PLEKHA2: variants seen among roughly 807,000 people sequenced by gnomAD.
The protein encoded by PLEKHA2 is pleckstrin homology domain-containing family A member 2.
In PLEKHA2, 28 loss-of-function variants were observed where a neutral mutation model predicts 53.2. The ratio of observed to expected loss-of-function variants is 0.53; its 90% CI spans 0.39 to 0.72. PLEKHA2 has a LOEUF of 0.72. PLEKHA2 is among the 30% of genes least tolerant of loss of function. The pLI is 0.00. For missense variants in PLEKHA2, 426 were observed against 537.9 expected (o/e 0.79, Z 2.06); for synonymous variants, 193 against 196.4 (o/e 0.98, Z 0.14).
intron 1 of PLEKHA2, among the ~76,000 whole-genome samples, chr8:38,909,675 C>G (rs560367589): frequency 2.0e-5 from 3 of 152,286 alleles, no homozygotes; most frequent in African/African-American, 7.2e-5. Flanking sequence ...CCCAGTGCCC[C>G]CCATTTCATT....
chr8:38,943,445 C>T (rs1043793760), intron 3 of PLEKHA2, among the ~76,000 whole-genome samples: 1 of 152,020 alleles, frequency 6.6e-6, no homozygotes, highest in African/African-American at 2.4e-5. Context: ...ATGATTGCAC[C>T]ACTGTACTCC....
chr8:38,911,713 G>A (rs934023324), intron 1 of PLEKHA2, among the ~76,000 whole-genome samples: 2 of 152,212 alleles, frequency 1.3e-5, no homozygotes, highest in Non-Finnish European at 2.9e-5. Context: ...GGTGGCTCAT[G>A]CCTATAATCC....
At chr8:38,931,824 A>G (rs181784979) in intron 2 of PLEKHA2, among the ~76,000 whole-genome samples, 1 of 152,320 alleles carries the variant, frequency 6.6e-6, no homozygotes, top group East Asian at 1.9e-4. Context: ...ACAGAGTCCA[A>G]GGCTAGATTT....
intron 1 of PLEKHA2, among the ~76,000 whole-genome samples, chr8:38,917,624 G>A (rs932116956): frequency 6.6e-6 from 1 of 152,130 alleles, no homozygotes; most frequent in African/African-American, 2.4e-5. Context: ...TTGAATGCAG[G>A]CCCCTGATCT....
intron 9 of PLEKHA2, 96 bp from the exon 10 acceptor site, chr8:38,957,227 C>CT (rs1834958284): frequency 1.0e-6 from 1 of 981,642 alleles, no homozygotes. Context: ...ACCCATCTTC[C>CT]TTTTTTATGG....
Position 38,969,719 on chromosome 8 carries a change from A to T in PLEKHA2, c.1214A>T (p.His405Leu), listed in dbSNP as rs775831905. The change falls in exon 12 of 12, where the codon CAC becomes CTC. Residue 405 changes from histidine (H) to leucine (L), a missense_variant. Coordinates refer to ENST00000617275, the MANE Select transcript of PLEKHA2 (RefSeq NM_021623.2). The part of the protein sequence containing the change: ...SRIRHRSEPQ[H>L]PKEKPFMFNL... ...ATAAGGCACAGATCGGAGCCCCAGC[A>T]CCCCAAGGAGAAGCCGTTTATGTTC... 3.5e-6 allele frequency: 5 copies of T among 1,429,560 alleles called. No individual in the cohort carries two copies. The highest frequency in any genetic ancestry group is 4.7e-6 in the Non-Finnish European group (5 of 1,071,676). The allele number at this position is 1,429,560 out of a possible 1,614,324, so 88.6% of individuals were successfully genotyped here.
chr8:38,937,467 AC>A (rs1276540062), intron 3 of PLEKHA2, among the ~76,000 whole-genome samples: 1 of 151,344 alleles, frequency 6.6e-6, no homozygotes, highest in African/African-American at 2.4e-5. Context: ...GAAAACTGAA[AC>A]CCTCTCCTGT....
At chr8:38,947,676 C>T (rs1834740483) in intron 5 of PLEKHA2, among the ~76,000 whole-genome samples, 1 of 152,198 alleles carries the variant, frequency 6.6e-6, no homozygotes, top group South Asian at 2.1e-4. Flanking sequence ...GCATGTTGAT[C>T]TGAAGCACTG....
rs562332293 is a variant in PLEKHA2 at position 38,952,923 on chromosome 8, ATCT to A, written c.702+227_702+229del. ...GTGGTCAGAGTCATAGCTACACAAC[ATCT>A]TCTTCTTATATTTTTTTGTCTTTTT... On this transcript the variant is annotated intron_variant, in intron 8 of 11. Transcript: ENST00000617275. 3.7e-3 allele frequency among the ~76,000 whole-genome samples: 568 copies of A among 152,216 alleles called. 10 individuals are homozygous for A. The highest frequency in any genetic ancestry group is 1.5e-3 in the Non-Finnish European group (99 of 68,014).
chr8:38,914,132 T>C (rs1833995786), intron 1 of PLEKHA2, among the ~76,000 whole-genome samples: 1 of 152,228 alleles, frequency 6.6e-6, no homozygotes, highest in African/African-American at 2.4e-5. Flanking sequence ...TTCACCTCTG[T>C]CCTGTTTCTC....
At position 38,971,461 on chromosome 8, in the gene PLEKHA2, G is replaced by C. The variant is rs1440058685; in HGVS notation, c.*1678G>C. The C allele has an allele frequency of 6.6e-6, 1 of 152,216 alleles. No homozygotes were observed. Among genetic ancestry groups the C allele is most frequent in the Non-Finnish European group, 1.5e-5 (1 of 68,046 alleles). The allele number at this position is 152,216 out of a possible 1,614,324, so 9.4% of individuals were successfully genotyped here. On this transcript the variant is annotated 3_prime_UTR_variant, in exon 12 of 12. Transcript: ENST00000617275. ...CAAATTCTTATAGCTCCTTAGCTCT[G>C]GTTTTACTCTCGTATTTTCCCCAAG...
Position 38,921,967 on chromosome 8 carries a change from TGC to T in PLEKHA2, c.141+3898_141+3899del, listed in dbSNP as rs1233880155. Among the ~76,000 whole-genome samples, 15 of 152,394 alleles carry T rather than the reference TGC, an allele frequency of 9.8e-5. No individual in the cohort carries two copies. The East Asian group carries it at 2.9e-3, about 29-fold the overall frequency. Reference sequence around the variant, plus strand: ...GTATTAGTGAGCATTTATTACTGTGTGCCAAGCACACTTCATTGGGTTTTTAT... The same window carrying T: ...GTATTAGTGAGCATTTATTACTGTGTCAAGCACACTTCATTGGGTTTTTAT... On this transcript the variant is annotated intron_variant, in intron 2 of 11. Transcript: ENST00000617275.
chr8:38,913,370 G>GAAAAAAAA (rs35218067), intron 1 of PLEKHA2, among the ~76,000 whole-genome samples: 12 of 134,260 alleles, frequency 8.9e-5, no homozygotes, highest in South Asian at 2.3e-4. Flanking sequence ...TCTCAAAAAG[G>GAAAAAAAA]AAAAAAAAAA....
At position 38,969,482 on chromosome 8, in the gene PLEKHA2, G is replaced by A; in HGVS notation, c.977G>A (p.Gly326Glu). 3.1e-6 allele frequency: 5 copies of A among 1,613,812 alleles called. No homozygotes were observed. Among genetic ancestry groups the A allele is most frequent in the Non-Finnish European group, 4.2e-6 (5 of 1,179,866 alleles). The part of the protein sequence containing the change: ...TRPGSSSLSS[G>E]PNSILCRGRP... ...CCTGGAAGCTCCAGCCTTTCAAGTG[G>A]GCCCAACTCTATCCTGTGCAGGGGG... Residue 326 changes from glycine to glutamate, a missense_variant, in exon 12 of 12, where the codon GGG becomes GAG. Coordinates refer to ENST00000617275, the MANE Select transcript of PLEKHA2 (RefSeq NM_021623.2).
chr8:38,944,143 A>G (rs923471102), intron 4 of PLEKHA2, among the ~76,000 whole-genome samples: 2 of 152,028 alleles, frequency 1.3e-5, no homozygotes, highest in African/African-American at 4.8e-5. Flanking sequence ...TACATAATGT[A>G]TAGAGTAATT....
At chr8:38,945,839 G>A (rs758590260) in intron 4 of PLEKHA2, among the ~76,000 whole-genome samples, 46 of 152,210 alleles carry the variant, frequency 3.0e-4, no homozygotes, top group Non-Finnish European at 5.4e-4. Context: ...CAGACCAGCA[G>A]CCTCATCACC....
At chr8:38,953,668 A>T (rs1374799822) in intron 9 of PLEKHA2, among the ~76,000 whole-genome samples, 1 of 152,206 alleles carries the variant, frequency 6.6e-6, no homozygotes, top group Non-Finnish European at 1.5e-5. Context: ...GAAGCTTCTC[A>T]GGTGTTAGGA....
In PLEKHA2 at chr8:38,901,439, CG is replaced by C. The variant is rs71216693; in HGVS notation, c.-24+1del. 6.6e-6 allele frequency: 1 copy of C among 150,712 alleles called. No homozygotes were observed. Among genetic ancestry groups the C allele is most frequent in the African/African-American group, 2.4e-5 (1 of 41,128 alleles). 9.3% of individuals were successfully genotyped at this position (150,712 alleles called of 1,614,324 possible). On this transcript the variant is annotated 5_prime_UTR_variant, in exon 1 of 12. Coordinates refer to ENST00000617275, the MANE Select transcript of PLEKHA2 (RefSeq NM_021623.2). ...CCCCGCCCGAGCCCCGGCCCCTGCA[CG>C]GGGGGGTAAGTTGGGCGCCCTCGCG...
rs780126710 is a variant in PLEKHA2 at position 38,946,222 on chromosome 8, G to A, written c.345+1G>A. 8 of 1,594,240 alleles carry A rather than the reference G, an allele frequency of 5.0e-6. No individual in the cohort carries two copies. The highest frequency in any genetic ancestry group is 6.8e-6 in the Non-Finnish European group (8 of 1,169,474). On this transcript the variant is annotated splice_donor_variant, in intron 5 of 11. Transcript: ENST00000617275. LOFTEE classifies it high-confidence loss of function. ...CCTGAACCAAGCCAGCAAGATCACC[G>A]TAAGTTTGGTTTCTTCTGTTTTCTG... is the stretch of plus-strand genomic sequence containing the variant.
Sources: allele counts gnomAD v4.1 joint callset (sites outside exome capture counted in the v4.1 genomes callset), GRCh38; gene constraint gnomAD v4.1.1; transcripts MANE v1.5; gene names NCBI Gene and HGNC (gene_info 2026-07-23, HGNC 2026-07-21).